The following NME7 variants were observed in gnomAD, a reference collection of about 807,000 sequenced individuals.
The protein encoded by NME7 is nucleoside diphosphate kinase 7.
NME7 carries 41 observed loss-of-function variants against 49.1 expected under a neutral mutation model. That is an observed-to-expected ratio of 0.83 (90% confidence interval 0.65 to 1.08). The LOEUF (loss-of-function observed/expected upper bound fraction) is 1.08. Ranked by LOEUF, NME7 falls within the 50% of genes least tolerant of loss-of-function variation. The probability of loss-of-function intolerance (pLI) is 0.00; values close to 1 mark genes in which losing one functional copy is unlikely to be tolerated. For missense variants in NME7, 423 were observed against 463.4 expected (o/e 0.91, Z 0.80); for synonymous variants, 139 against 150.6 (o/e 0.92, Z 0.56).
At chr1:169,286,333 T>C (rs947939791) in intron 7 of NME7, 5 of 152,142 alleles carry the variant, frequency 3.3e-5, no homozygotes, top group African/African-American at 1.2e-4. Context: ...CATGGATTAC[T>C]TGGATACTTA....
chr1:169,168,290 C>T (rs1659471739), intron 11 of NME7, among the ~76,000 whole-genome samples: 1 of 152,184 alleles, frequency 6.6e-6, no homozygotes, highest in African/African-American at 2.4e-5. Flanking sequence ...TGCTCTAAAA[C>T]TTGCCTCAGT....
At chr1:169,162,423 G>C (rs1261693655) in intron 11 of NME7, among the ~76,000 whole-genome samples, 3 of 151,828 alleles carry the variant, frequency 2.0e-5, no homozygotes, top group Non-Finnish European at 4.4e-5. Context: ...AAAGACCTAT[G>C]TTTTCATCAT....
At chr1:169,266,735 C>T (rs1316673508) in intron 7 of NME7, among the ~76,000 whole-genome samples, 1 of 133,212 alleles carries the variant, frequency 7.5e-6, no homozygotes, top group Non-Finnish European at 1.8e-5. Flanking sequence ...CTTGAGATGA[C>T]AAGCAACTTC....
chr1:169,291,120 G>A (rs1650483564), intron 6 of NME7, among the ~76,000 whole-genome samples: 1 of 152,154 alleles, frequency 6.6e-6, no homozygotes. Context: ...CAAGGATCTA[G>A]AACCAGAAAT....
chr1:169,241,559 A>G (rs1222823447), intron 7 of NME7, among the ~76,000 whole-genome samples: 2 of 152,014 alleles, frequency 1.3e-5, no homozygotes, highest in Non-Finnish European at 2.9e-5. Flanking sequence ...TATAATCTAT[A>G]TCTATTACAA....
intron 6 of NME7, among the ~76,000 whole-genome samples, chr1:169,291,605 A>G (rs576221466): frequency 6.6e-6 from 1 of 152,086 alleles, no homozygotes; most frequent in African/African-American, 2.4e-5. Context: ...TACCTACATA[A>G]TAAACCTGCA....
At chr1:169,202,313 G>C (rs908304596) in intron 10 of NME7, among the ~76,000 whole-genome samples, 2 of 152,090 alleles carry the variant, frequency 1.3e-5, no homozygotes, top group African/African-American at 4.8e-5. Flanking sequence ...GTTCAAAGGC[G>C]ATCTGGTGGT....
At chr1:169,218,166 T>C (rs936717339) in intron 10 of NME7, among the ~76,000 whole-genome samples, 7 of 152,222 alleles carry the variant, frequency 4.6e-5, no homozygotes, top group African/African-American at 1.7e-4. Flanking sequence ...TTTTATTTCT[T>C]ATGTAGAACA....
chr1:169,325,979 G>A (rs1244044429), intron 1 of NME7, among the ~76,000 whole-genome samples: 1 of 151,476 alleles, frequency 6.6e-6, no homozygotes, highest in Non-Finnish European at 1.5e-5. Flanking sequence ...TTCTAGTATT[G>A]TACTCACCTA....
intron 1 of NME7, among the ~76,000 whole-genome samples, chr1:169,332,105 C>T (rs1361882478): frequency 2.0e-5 from 3 of 152,008 alleles, no homozygotes; most frequent in African/African-American, 7.2e-5. Flanking sequence ...CATCATGGTA[C>T]TGACATAAAA....
intron 4 of NME7, among the ~76,000 whole-genome samples, chr1:169,308,573 A>T (rs1414162304): frequency 2.6e-5 from 4 of 152,184 alleles, no homozygotes; most frequent in Non-Finnish European, 4.4e-5. Context: ...ATCTTCCAGA[A>T]TGTTTCAGTC....
chr1:169,303,309 TTTAA>T (rs2101912351), intron 4 of NME7, 114 bp from the exon 5 acceptor site: 1 of 438,076 alleles, frequency 2.3e-6, no homozygotes, highest in Non-Finnish European at 3.9e-6. Flanking sequence ...TAATTTATAT[TTTAA>T]TTAATAATTT....
At chr1:169,163,540 G>C (rs1399085250) in intron 11 of NME7, among the ~76,000 whole-genome samples, 1 of 152,108 alleles carries the variant, frequency 6.6e-6, no homozygotes, top group Non-Finnish European at 1.5e-5. Flanking sequence ...GCATGGTCCT[G>C]ACCTGGATCC....
At chr1:169,195,071 G>GT (rs1322418383) in intron 10 of NME7, among the ~76,000 whole-genome samples, 7 of 64,682 alleles carry the variant, frequency 1.1e-4, no homozygotes, top group African/African-American at 1.6e-4. Flanking sequence ...TTCAAAACAT[G>GT]TTTTTTGCAT....
intron 10 of NME7, among the ~76,000 whole-genome samples, chr1:169,216,278 G>C (rs948226627): frequency 1.3e-5 from 2 of 152,184 alleles, no homozygotes; most frequent in Non-Finnish European, 2.9e-5. Context: ...GGGACTTTCA[G>C]CTCTACTTCC....
At position 169,286,399 on chromosome 1, in the gene NME7, GT is replaced by G. The variant is rs1340435733; in HGVS notation, c.754+903del. The G allele has an allele frequency of 2.6e-5, 4 of 151,810 alleles. 1 individual carries two copies. Among genetic ancestry groups the G allele is most frequent in the South Asian group, 4.1e-4 (2 of 4,828 alleles). The allele number at this position is 151,810 out of a possible 1,614,324, so 9.4% of individuals were successfully genotyped here. ...TCTGTATATTATTTAGTATATTCTAGTTTTTTAAGGGTGATCTTTTTAACCA... is the reference window on the plus strand; with the variant it reads ...TCTGTATATTATTTAGTATATTCTAGTTTTTAAGGGTGATCTTTTTAACCA... On this transcript the variant is annotated intron_variant, in intron 7 of 11. Transcript: ENST00000367811.
intron 1 of NME7, among the ~76,000 whole-genome samples, chr1:169,364,434 C>T (rs2101993300): frequency 6.6e-6 from 1 of 152,196 alleles, no homozygotes; most frequent in South Asian, 2.1e-4. Flanking sequence ...TTTTTAGAGA[C>T]AAGGTCTCGC....
chr1:169,330,874 A>G (rs575867059), intron 1 of NME7, among the ~76,000 whole-genome samples: 38 of 152,214 alleles, frequency 2.5e-4, no homozygotes, highest in Middle Eastern at 3.4e-3. Context: ...ACAAGTAATG[A>G]GATCAAAGCC....
At chr1:169,201,524 G>C (rs900739748) in intron 10 of NME7, among the ~76,000 whole-genome samples, 1 of 152,108 alleles carries the variant, frequency 6.6e-6, no homozygotes, top group African/African-American at 2.4e-5. Flanking sequence ...TAAGGTAGGG[G>C]AACTGGAAAT....
Sources: gnomAD v4.1 joint callset for allele counts (sites outside exome capture counted in the v4.1 genomes callset) on GRCh38, gnomAD v4.1.1 for gene constraint, MANE v1.5 for transcripts, NCBI Gene and HGNC (gene_info 2026-07-23, HGNC 2026-07-21) for gene names.